The following TAF4B variants were observed in gnomAD, a reference collection of about 807,000 sequenced individuals.
The protein encoded by TAF4B is transcription initiation factor TFIID subunit 4B.
TAF4B carries 38 observed loss-of-function variants against 86.4 expected under a neutral mutation model. The observed-to-expected ratio is 0.44, with a 90% CI of 0.34 to 0.58. The LOEUF is 0.58. TAF4B is among the 20% of genes least tolerant of loss of function. The pLI, the probability that TAF4B is intolerant of heterozygous loss-of-function variation, is 0.02. For synonymous variants in TAF4B, 388 were observed against 391.2 expected, an observed-to-expected ratio of 0.99 and a Z score of 0.10; for missense variants, 988 against 1,027.6, an observed-to-expected ratio of 0.96 and a Z score of 0.53.
At chr18:26,353,080 A>G (rs940985621) in intron 13 of TAF4B, among the ~76,000 whole-genome samples, 49 of 152,182 alleles carry the variant, frequency 3.2e-4, no homozygotes, top group Admixed American at 2.9e-3. Flanking sequence ...TTATGAGGCC[A>G]TTGTTGCCCT....
intron 1 of TAF4B, among the ~76,000 whole-genome samples, chr18:26,264,576 A>G (rs554942384): frequency 1.3e-5 from 2 of 152,368 alleles, no homozygotes; most frequent in East Asian, 1.9e-4. Context: ...ACTTGTGGCT[A>G]TAGCAAGCAG....
intron 1 of TAF4B, among the ~76,000 whole-genome samples, chr18:26,262,941 C>T (rs1479882524): frequency 6.8e-6 from 1 of 146,972 alleles, no homozygotes; most frequent in East Asian, 2.0e-4. Flanking sequence ...ACACAAAAGA[C>T]TTTTTTTTTT....
At chr18:26,386,095 G>C (rs1010648933) in intron 14 of TAF4B, among the ~76,000 whole-genome samples, 8 of 152,166 alleles carry the variant, frequency 5.3e-5, no homozygotes, top group African/African-American at 1.7e-4. Context: ...TGTGAATTAT[G>C]AAAGACATTT....
intron 1 of TAF4B, among the ~76,000 whole-genome samples, chr18:26,236,924 G>T (rs964728199): frequency 6.7e-6 from 1 of 149,520 alleles, no homozygotes; most frequent in Non-Finnish European, 1.5e-5. Flanking sequence ...CAAGGGTGTC[G>T]GGTGACAGGG....
At chr18:26,257,394 G>C (rs114325109) in intron 1 of TAF4B, among the ~76,000 whole-genome samples, 1 of 152,088 alleles carries the variant, frequency 6.6e-6, no homozygotes, top group Non-Finnish European at 1.5e-5. Context: ...GGTTCTGTTT[G>C]TATGATGTCT....
At chr18:26,272,098 T>C (rs921118373) in intron 3 of TAF4B, among the ~76,000 whole-genome samples, 1 of 151,958 alleles carries the variant, frequency 6.6e-6, no homozygotes, top group Non-Finnish European at 1.5e-5. Context: ...TCCTCCCCCT[T>C]GCAAAGGGCC....
chr18:26,288,777 C>T (rs1042510087), intron 7 of TAF4B, among the ~76,000 whole-genome samples: 3 of 152,160 alleles, frequency 2.0e-5, no homozygotes, highest in Non-Finnish European at 4.4e-5. Context: ...GAAGCTGTCT[C>T]ATGATAATAT....
intron 13 of TAF4B, among the ~76,000 whole-genome samples, chr18:26,354,181 TCTC>T (rs577204378): frequency 5.1e-4 from 78 of 152,278 alleles, no homozygotes; most frequent in African/African-American, 1.8e-3. Flanking sequence ...TTCAAGCAAT[TCTC>T]CTGCCTCAGC....
chr18:26,298,558 G>C (rs928693855), intron 9 of TAF4B, among the ~76,000 whole-genome samples: 3 of 151,124 alleles, frequency 2.0e-5, no homozygotes, highest in Non-Finnish European at 4.4e-5. Flanking sequence ...TAAGAAACAA[G>C]GTCTTGCTCT....
intron 8 of TAF4B, among the ~76,000 whole-genome samples, chr18:26,293,033 A>G (rs1431483376): frequency 6.6e-6 from 1 of 152,194 alleles, no homozygotes. Context: ...ATGCATGTAC[A>G]TGCATGCATA....
intron 13 of TAF4B, among the ~76,000 whole-genome samples, chr18:26,347,905 C>A: frequency 6.6e-6 from 1 of 152,172 alleles, no homozygotes; most frequent in African/African-American, 2.4e-5. Context: ...CACTGGACCA[C>A]TCAGATATAT....
In TAF4B at chr18:26,286,143, C is replaced by T. The variant is rs763877588; in HGVS notation, c.1234C>T (p.Leu412Phe). The T allele has an allele frequency of 1.9e-6, 3 of 1,614,220 alleles. No homozygotes were observed. The South Asian group carries it at 3.3e-5, about 18-fold the overall frequency. ...GGGAGCAAAAGCTGGAGTTGTGACA[C>T]TTCATTCTGTGGGCCCAACTGCTGC... ...PVGAKAGVVT[L>F]HSVGPTAATG... is the part of the protein sequence containing the mutation. Residue 412 changes from leucine to phenylalanine, a missense_variant, in exon 7 of 15, where the codon CTT becomes TTT. Coordinates refer to ENST00000269142, the MANE Select transcript of TAF4B (RefSeq NM_005640.3).
intron 14 of TAF4B, among the ~76,000 whole-genome samples, chr18:26,385,694 TC>T (rs200343933): frequency 0.11 from 14,227 of 133,132 alleles, 872 homozygotes; most frequent in Non-Finnish European, 0.15. Context: ...TTTTTTTTTT[TC>T]TTCTTCTTCT....
At chr18:26,346,262 G>A (rs1811322372) in intron 13 of TAF4B, among the ~76,000 whole-genome samples, 1 of 151,910 alleles carries the variant, frequency 6.6e-6, no homozygotes, top group Admixed American at 6.6e-5. Flanking sequence ...CCTACACCAA[G>A]CAGAAAAAAG....
At chr18:26,260,550 ATTTC>A (rs1445092386) in intron 1 of TAF4B, among the ~76,000 whole-genome samples, 1 of 151,960 alleles carries the variant, frequency 6.6e-6, no homozygotes, top group African/African-American at 2.4e-5. Flanking sequence ...TCCTTTCCCC[ATTTC>A]TTGTTTTTGT....
intron 9 of TAF4B, among the ~76,000 whole-genome samples, chr18:26,301,942 A>T (rs2056737980): frequency 6.6e-6 from 1 of 152,148 alleles, no homozygotes; most frequent in South Asian, 2.1e-4. Context: ...AGGAAAAAAA[A>T]CATGGAGAAA....
At chr18:26,362,874 C>A (rs1285602058) in intron 14 of TAF4B, among the ~76,000 whole-genome samples, 1 of 152,134 alleles carries the variant, frequency 6.6e-6, no homozygotes, top group Admixed American at 6.5e-5. Context: ...GAGGAAAAAA[C>A]ATCACATAAT....
chr18:26,355,014 C>G (rs2057276172), intron 13 of TAF4B, among the ~76,000 whole-genome samples: 1 of 152,132 alleles, frequency 6.6e-6, no homozygotes, highest in Admixed American at 6.6e-5. Flanking sequence ...GTCTTACAAG[C>G]CTGGACACAG....
intron 1 of TAF4B, among the ~76,000 whole-genome samples, chr18:26,246,316 G>A (rs1368361389): frequency 3.3e-5 from 5 of 152,144 alleles, no homozygotes; most frequent in Non-Finnish European, 7.3e-5. Context: ...CTAGGTATAT[G>A]ATACATAGTT....
Sources: allele counts gnomAD v4.1 joint callset (sites outside exome capture counted in the v4.1 genomes callset), GRCh38; gene constraint gnomAD v4.1.1; transcripts MANE v1.5; gene names NCBI Gene and HGNC (gene_info 2026-07-23, HGNC 2026-07-21).